Variants in ASIC2 observed in about 807,000 individuals in gnomAD.
ASIC2 encodes acid sensing ion channel subunit 2.
A neutral mutation model predicts 57.3 loss-of-function variants in ASIC2; 25 were observed. The observed-to-expected ratio is 0.44, with a 90% CI of 0.32 to 0.61. The LOEUF (loss-of-function observed/expected upper bound fraction) is 0.61. Ranked by LOEUF, ASIC2 falls within the 20% of genes least tolerant of loss-of-function variation. The probability of loss-of-function intolerance (pLI) is 0.06; values close to 1 mark genes in which losing one functional copy is unlikely to be tolerated. For missense variants in ASIC2, 641 were observed against 738.1 expected, an observed-to-expected ratio of 0.87 and a Z score of 1.52; for synonymous variants, 319 against 307.5, an observed-to-expected ratio of 1.04 and a Z score of -0.39.
intron 1 of ASIC2, among the ~76,000 whole-genome samples, chr17:33,414,778 C>T (rs553302973): frequency 3.9e-5 from 6 of 152,280 alleles, no homozygotes; most frequent in Non-Finnish European, 7.4e-5. Flanking sequence ...TCACATTAGG[C>T]CCCACTCTGC....
Position 33,764,185 on chromosome 17 carries a change from C to T in ASIC2, c.555+391793G>A, listed in dbSNP as rs148538828. Among the ~76,000 whole-genome samples the T allele has an allele frequency of 3.4e-3, 514 of 152,094 alleles. 4 individuals carry two copies. The highest frequency in any genetic ancestry group is 0.012 in the African/African-American group (481 of 41,472). ...AACAAAATTTAGCCAGGCATGGTGG[C>T]GGGCACCTGTAGTCCCAGCTACTTG... On this transcript the variant is annotated intron_variant, in intron 1 of 9. Transcript: ENST00000359872.
Position 33,886,739 on chromosome 17 carries a change from C to CAA in ASIC2, c.555+269237_555+269238dup, listed in dbSNP as rs59036216. ...AATTAGAATACATCAGTCTTTCTAC[C>CAA]AAAAAAAAAATGGAGTAAATCCTTA... On this transcript the variant is annotated intron_variant, in intron 1 of 9. Transcript: ENST00000359872. Among the ~76,000 whole-genome samples, 693 of 148,842 alleles carry CAA rather than the reference C, an allele frequency of 4.7e-3. 32 individuals carry two copies. In the East Asian group the frequency reaches 0.12, roughly 26 times the overall value.
intron 1 of ASIC2, among the ~76,000 whole-genome samples, chr17:33,694,596 G>C (rs1271603923): frequency 6.6e-6 from 1 of 152,146 alleles, no homozygotes; most frequent in African/African-American, 2.4e-5. Flanking sequence ...CCCTGTTCTA[G>C]TTGAGATCTG....
intron 1 of ASIC2, among the ~76,000 whole-genome samples, chr17:33,637,796 A>G (rs1906419366): frequency 6.6e-6 from 1 of 152,214 alleles, no homozygotes; most frequent in African/African-American, 2.4e-5. Flanking sequence ...GTATTACAGT[A>G]AAGAAAGAGT....
intron 1 of ASIC2, among the ~76,000 whole-genome samples, chr17:33,641,089 T>A (rs1449305209): frequency 6.6e-6 from 1 of 152,186 alleles, no homozygotes; most frequent in Non-Finnish European, 1.5e-5. Flanking sequence ...GGCTGCCTAT[T>A]TCTGCTACAG....
At chr17:33,810,952 A>C (rs759348340) in intron 1 of ASIC2, among the ~76,000 whole-genome samples, 5 of 152,098 alleles carry the variant, frequency 3.3e-5, no homozygotes, top group Admixed American at 6.6e-5. Context: ...AAGGGAAACA[A>C]AAATCAGTGA....
intron 1 of ASIC2, among the ~76,000 whole-genome samples, chr17:34,139,925 A>T (rs1274408146): frequency 6.6e-6 from 1 of 152,240 alleles, no homozygotes; most frequent in Non-Finnish European, 1.5e-5. Flanking sequence ...ATTTCAACAA[A>T]GCTATTTTTA....
At chr17:33,194,648 T>TATCAATCTGTTATTCCCAGATTGGGAA (rs141063210) in intron 1 of ASIC2, among the ~76,000 whole-genome samples, 2 of 151,502 alleles carry the variant, frequency 1.3e-5, no homozygotes, top group African/African-American at 2.4e-5. Flanking sequence ...CAGATTGGGA[T>TATCAATCTGTTATTCCCAGATTGGGAA]ATCAATCTGT....
intron 1 of ASIC2, among the ~76,000 whole-genome samples, chr17:33,663,608 G>A (rs191198656): frequency 4.2e-4 from 64 of 152,182 alleles, no homozygotes; most frequent in African/African-American, 1.5e-3. Context: ...CCTGTGCCTC[G>A]AGGTTCGTGG....
At chr17:33,208,145 G>C (rs553313450) in intron 1 of ASIC2, among the ~76,000 whole-genome samples, 1 of 152,276 alleles carries the variant, frequency 6.6e-6, no homozygotes, top group South Asian at 2.1e-4. Flanking sequence ...GAAGGGTGTT[G>C]GTTATAACCT....
intron 1 of ASIC2, among the ~76,000 whole-genome samples, chr17:33,842,674 C>G (rs934133093): frequency 2.6e-5 from 4 of 152,162 alleles, no homozygotes; most frequent in African/African-American, 9.7e-5. Flanking sequence ...CCTGGTCATA[C>G]AAACAGTGAC....
intron 1 of ASIC2, among the ~76,000 whole-genome samples, chr17:33,240,809 A>C (rs1286501759): frequency 6.6e-6 from 1 of 152,190 alleles, no homozygotes; most frequent in Non-Finnish European, 1.5e-5. Context: ...AGATGCTCTT[A>C]GGGACCTATT....
intron 1 of ASIC2, chr17:34,039,079 C>G: frequency 6.2e-7 from 1 of 1,614,112 alleles, no homozygotes; most frequent in Non-Finnish European, 8.5e-7. Flanking sequence ...TGTCACACAT[C>G]TATTTAATCG....
intron 1 of ASIC2, chr17:34,070,461 G>A (rs553452578): frequency 6.6e-6 from 1 of 152,212 alleles, no homozygotes; most frequent in South Asian, 2.1e-4. Flanking sequence ...TAAACCCCAT[G>A]GTCTGGGAAC....
intron 1 of ASIC2, among the ~76,000 whole-genome samples, chr17:33,602,270 C>G (rs1905131012): frequency 6.6e-6 from 1 of 152,178 alleles, no homozygotes; most frequent in South Asian, 2.1e-4. Flanking sequence ...CCCCAAAGTT[C>G]CTGTGCTGGA....
intron 1 of ASIC2, among the ~76,000 whole-genome samples, chr17:33,226,243 T>C (rs930217055): frequency 1.3e-5 from 2 of 152,178 alleles, no homozygotes; most frequent in African/African-American, 4.8e-5. Flanking sequence ...AAGTGCCTAG[T>C]AAGTAGTAAG....
chr17:33,536,086 C>T (rs1273678626), intron 1 of ASIC2, among the ~76,000 whole-genome samples: 1 of 152,190 alleles, frequency 6.6e-6, no homozygotes, highest in East Asian at 1.9e-4. Context: ...TATTCCCTAG[C>T]CCAAGAGCAA....
chr17:34,018,473 A>C (rs546675725), intron 1 of ASIC2, among the ~76,000 whole-genome samples: 2 of 152,278 alleles, frequency 1.3e-5, no homozygotes, highest in South Asian at 2.1e-4. Context: ...TGTGACTTTC[A>C]ATTATTATTA....
intron 1 of ASIC2, among the ~76,000 whole-genome samples, chr17:33,522,298 C>A (rs1299902088): frequency 2.6e-5 from 4 of 152,194 alleles, no homozygotes; most frequent in Non-Finnish European, 5.9e-5. Flanking sequence ...GAATTATTTC[C>A]CCCGTTCCTG....
Sources: gnomAD v4.1 joint callset for allele counts (sites outside exome capture counted in the v4.1 genomes callset) on GRCh38, gnomAD v4.1.1 for gene constraint, MANE v1.5 for transcripts, NCBI Gene and HGNC (gene_info 2026-07-23, HGNC 2026-07-21) for gene names.